Variants in RARB observed in about 807,000 individuals in gnomAD.
RARB encodes HBV-activated protein.
Under a neutral mutation model 51.9 loss-of-function variants are expected in RARB, and 17 were observed. The observed-to-expected ratio is 0.33, with a 90% CI of 0.22 to 0.49. RARB has a LOEUF of 0.49. Ranked by LOEUF, RARB falls within the 20% of genes least tolerant of loss-of-function variation. The pLI is 0.99. For missense variants in RARB, 369 were observed against 550.8 expected, an observed-to-expected ratio of 0.67 and a Z score of 3.30; for synonymous variants, 215 against 195.4, an observed-to-expected ratio of 1.10 and a Z score of -0.84.
At chr3:25,106,473 GT>G (rs1366761121) in intron 3 of RARB, among the ~76,000 whole-genome samples, 8 of 111,684 alleles carry the variant, frequency 7.2e-5, no homozygotes, top group African/African-American at 7.4e-5. Context: ...TTTTTGTTTT[GT>G]TTTTTTTTTG....
intron 5 of RARB, among the ~76,000 whole-genome samples, chr3:25,263,806 A>G (rs1296537048): frequency 1.3e-5 from 2 of 152,198 alleles, no homozygotes; most frequent in South Asian, 2.1e-4. Context: ...AGTTGCTTAC[A>G]GCATCTGCCT....
Position 24,983,034 on chromosome 3 carries a change from T to C in RARB, c.-379-77091T>C, listed in dbSNP as rs1038292086. 5.4e-4 allele frequency among the ~76,000 whole-genome samples: 82 copies of C among 152,232 alleles called. 2 individuals are homozygous for C. The highest frequency in any genetic ancestry group is 5.9e-4 in the Admixed American group (9 of 15,292). ...AAATATATATTGACTTTTCCAAGAATGTAACCACCAAACAAATCAAGAGTA... is the reference window on the plus strand; with the variant it reads ...AAATATATATTGACTTTTCCAAGAACGTAACCACCAAACAAATCAAGAGTA... On this transcript the variant is annotated intron_variant, in intron 2 of 11. Transcript: ENST00000383772.
chr3:25,237,968 G>A (rs972294729), intron 5 of RARB, among the ~76,000 whole-genome samples: 1 of 152,026 alleles, frequency 6.6e-6, no homozygotes, highest in African/African-American at 2.4e-5. Context: ...GTGTACTTAG[G>A]ATATCCATCA....
At chr3:25,301,930 C>T (rs1464980887) in intron 5 of RARB, among the ~76,000 whole-genome samples, 1 of 152,084 alleles carries the variant, frequency 6.6e-6, no homozygotes, top group Non-Finnish European at 1.5e-5. Flanking sequence ...CTAAAGGGGA[C>T]CTAGCAGGAG....
At chr3:25,167,157 T>C (rs529150358) in intron 4 of RARB, among the ~76,000 whole-genome samples, 1 of 152,342 alleles carries the variant, frequency 6.6e-6, no homozygotes, top group African/African-American at 2.4e-5. Context: ...AGAGAAGACA[T>C]GTAGAGCTGA....
At chr3:25,216,922 C>A (rs1701847542) in intron 5 of RARB, among the ~76,000 whole-genome samples, 1 of 151,824 alleles carries the variant, frequency 6.6e-6, no homozygotes, top group Non-Finnish European at 1.5e-5. Context: ...TGTAGAGTCC[C>A]ATCTTTCTCT....
intron 6 of RARB, 89 bp from the exon 7 acceptor site, chr3:25,594,431 A>C (rs1701733695): frequency 1.5e-6 from 2 of 1,290,572 alleles, no homozygotes; most frequent in Non-Finnish European, 2.1e-6. Flanking sequence ...CAAATTAATG[A>C]ACTCATAACA....
chr3:24,911,064 TA>T lies in RARB; in HGVS notation c.-380+52313del, dbSNP rs1694980709. On this transcript the variant is annotated intron_variant, in intron 2 of 11. Coordinates refer to the RARB transcript ENST00000383772. Reference sequence around the variant, plus strand: ...AATGTTATGACTTCATATTTTATTTTATGACACCTCTGCTTCATTCTCCCTA... The same window carrying T: ...AATGTTATGACTTCATATTTTATTTTTGACACCTCTGCTTCATTCTCCCTA... Among the ~76,000 whole-genome samples the T allele has an allele frequency of 2.0e-5, 3 of 152,348 alleles. No homozygotes were observed. The South Asian group carries it at 6.2e-4, about 32-fold the overall frequency.
rs574307434 is a variant in RARB, at chr3:24,972,384, C to T, written c.-379-87741C>T. On this transcript the variant is annotated intron_variant, in intron 2 of 11. Coordinates refer to the RARB transcript ENST00000383772. ...ATACTGTACTTTCTTTTTATCCATTCATCTACTGATGGCCACTTAGGTTGA... is the reference window on the plus strand; with the variant it reads ...ATACTGTACTTTCTTTTTATCCATTTATCTACTGATGGCCACTTAGGTTGA... 5.3e-5 allele frequency among the ~76,000 whole-genome samples: 8 copies of T among 152,148 alleles called. No homozygotes were observed. In the East Asian group the frequency reaches 1.5e-3, roughly 29 times the overall value.
At chr3:25,405,382 A>T (rs187432345) in intron 5 of RARB, among the ~76,000 whole-genome samples, 3 of 152,304 alleles carry the variant, frequency 2.0e-5, no homozygotes, top group Admixed American at 2.0e-4. Flanking sequence ...TACTATATCA[A>T]TAAAACAAAA....
chr3:25,490,236 C>T (rs1216652281), intron 2 of RARB, among the ~76,000 whole-genome samples: 1 of 152,100 alleles, frequency 6.6e-6, no homozygotes, highest in Non-Finnish European at 1.5e-5. Flanking sequence ...TCCAACATGG[C>T]CCTGAAAATT....
At chr3:25,512,356 A>G (rs932921507) in intron 3 of RARB, among the ~76,000 whole-genome samples, 4 of 152,198 alleles carry the variant, frequency 2.6e-5, no homozygotes, top group Non-Finnish European at 5.9e-5. Flanking sequence ...AAGCAAGGTG[A>G]TGGGTAGATG....
intron 4 of RARB, among the ~76,000 whole-genome samples, chr3:25,143,771 G>A (rs1440107933): frequency 1.3e-5 from 2 of 152,170 alleles, no homozygotes; most frequent in African/African-American, 2.4e-5. Flanking sequence ...TTGGAGTTAC[G>A]TGACTTGAAG....
chr3:25,508,495 C>G (rs1697722020), intron 3 of RARB, among the ~76,000 whole-genome samples: 1 of 152,166 alleles, frequency 6.6e-6, no homozygotes, highest in Non-Finnish European at 1.5e-5. Flanking sequence ...CTCATTGGTT[C>G]TACTGCTGGA....
At chr3:25,134,967 T>A (rs377169161) in intron 4 of RARB, among the ~76,000 whole-genome samples, 15 of 152,094 alleles carry the variant, frequency 9.9e-5, no homozygotes, top group African/African-American at 3.4e-4. Flanking sequence ...ACGCTACTTA[T>A]GATGCCACTG....
chr3:25,204,533 GT>G (rs1701480559), intron 5 of RARB, among the ~76,000 whole-genome samples: 1 of 152,160 alleles, frequency 6.6e-6, no homozygotes, highest in Non-Finnish European at 1.5e-5. Flanking sequence ...TTTCTGCTCT[GT>G]TTTTTCCCCA....
chr3:25,296,087 C>G (rs760937673), intron 5 of RARB, among the ~76,000 whole-genome samples: 6 of 151,978 alleles, frequency 3.9e-5, no homozygotes, highest in South Asian at 2.1e-4. Context: ...TCAAGGATGC[C>G]TAATCTTACA....
chr3:24,864,452 A>C (rs1702812095), intron 2 of RARB, among the ~76,000 whole-genome samples: 1 of 152,132 alleles, frequency 6.6e-6, no homozygotes, highest in South Asian at 2.1e-4. Flanking sequence ...TGTTGTTTGC[A>C]CATGCCATTT....
chr3:25,529,770 A>G (rs1171428676), intron 3 of RARB, among the ~76,000 whole-genome samples: 1 of 152,220 alleles, frequency 6.6e-6, no homozygotes, highest in Non-Finnish European at 1.5e-5. Context: ...GAGGTAAAGT[A>G]TAGCTCAGTT....
Sources: allele counts gnomAD v4.1 joint callset (sites outside exome capture counted in the v4.1 genomes callset), GRCh38; gene constraint gnomAD v4.1.1; transcripts MANE v1.5; gene names NCBI Gene and HGNC (gene_info 2026-07-23, HGNC 2026-07-21).